Variants in ARHGAP17 observed in about 807,000 individuals in gnomAD.
ARHGAP17 encodes Rho GTPase activating protein 17.
ARHGAP17 carries 57 observed loss-of-function variants against 99.5 expected under a neutral mutation model. The observed-to-expected ratio is 0.57, with a 90% confidence interval of 0.46 to 0.71. The LOEUF (loss-of-function observed/expected upper bound fraction) is 0.71. Ranked by LOEUF, ARHGAP17 falls within the 30% of genes least tolerant of loss-of-function variation. The probability of loss-of-function intolerance (pLI) is 0.00; values close to 1 mark genes in which losing one functional copy is unlikely to be tolerated. For missense variants in ARHGAP17, 1,000 were observed against 1,122.4 expected, an observed-to-expected ratio of 0.89 and a Z score of 1.56; for synonymous variants, 417 against 429.6, an observed-to-expected ratio of 0.97 and a Z score of 0.36.
chr16:24,934,232 C>T (rs1448250229), intron 18 of ARHGAP17, among the ~76,000 whole-genome samples: 2 of 152,134 alleles, frequency 1.3e-5, no homozygotes, highest in African/African-American at 4.8e-5. Context: ...ACAATCTTGG[C>T]TCACTGCAAC....
At chr16:24,944,298 A>G (rs1567220224) in intron 14 of ARHGAP17, among the ~76,000 whole-genome samples, 2 of 151,316 alleles carry the variant, frequency 1.3e-5, no homozygotes, top group East Asian at 1.9e-4. Context: ...TCAAATTCAC[A>G]TGGTCCTGGT....
intron 6 of ARHGAP17, among the ~76,000 whole-genome samples, chr16:24,967,601 C>T (rs1248863664): frequency 2.0e-5 from 3 of 151,960 alleles, no homozygotes; most frequent in Admixed American, 6.6e-5. Context: ...CACTTGAGGC[C>T]AGAAGTTCAA....
At chr16:24,990,358 C>T (rs1323429455) in intron 1 of ARHGAP17, among the ~76,000 whole-genome samples, 1 of 152,008 alleles carries the variant, frequency 6.6e-6, no homozygotes, top group Non-Finnish European at 1.5e-5. Context: ...TGGTGGTGCA[C>T]ACCTGTAGTC....
chr16:24,977,988 C>T (rs763461057), intron 2 of ARHGAP17, among the ~76,000 whole-genome samples: 1 of 152,104 alleles, frequency 6.6e-6, no homozygotes, highest in African/African-American at 2.4e-5. Flanking sequence ...AACCATTTTA[C>T]GCATCGAGAT....
intron 14 of ARHGAP17, among the ~76,000 whole-genome samples, chr16:24,946,807 T>C (rs1295377885): frequency 6.6e-6 from 1 of 152,236 alleles, no homozygotes; most frequent in Admixed American, 6.5e-5. Context: ...CCCTAGCCCA[T>C]GCTCCTTTGT....
At chr16:24,986,391 C>G (rs1227035788) in intron 1 of ARHGAP17, among the ~76,000 whole-genome samples, 1 of 152,142 alleles carries the variant, frequency 6.6e-6, no homozygotes, top group Non-Finnish European at 1.5e-5. Flanking sequence ...AACCAGGGGT[C>G]AGCAAACTAT....
intron 1 of ARHGAP17, among the ~76,000 whole-genome samples, chr16:24,979,595 T>C (rs2052614641): frequency 6.6e-6 from 1 of 152,188 alleles, no homozygotes; most frequent in Non-Finnish European, 1.5e-5. Context: ...TGCTTTGAAC[T>C]ACTACTAATT....
chr16:24,943,686 G>A, intron 15 of ARHGAP17, 85 bp downstream of exon 15: 2 of 1,156,392 alleles, frequency 1.7e-6, no homozygotes, highest in East Asian at 2.4e-5. Flanking sequence ...TCATGAAGAA[G>A]GATTACAGAT....
In ARHGAP17 at chr16:24,947,527, A is replaced by G; in HGVS notation, c.1196T>C (p.Ile399Thr). 1 of 1,613,770 alleles carries G rather than the reference A, an allele frequency of 6.2e-7. No individual in the cohort carries two copies. The highest frequency in any genetic ancestry group is 8.5e-7 in the Non-Finnish European group (1 of 1,180,002). ...SDVNKMTPSN[I>T]AIVLGPNLLW... is the part of the protein sequence containing the mutation. The stretch of plus-strand genomic sequence containing the variant: ...CAAGTTAGGGCCTAACACAATCGCA[A>G]TGTTGCTGGGAGTCATTTTATTCAC... The change falls in exon 14 of 20, where the codon ATT becomes ACT. Residue 399 changes from isoleucine (I) to threonine (T), a missense_variant. Ile to Thr is a moderately conservative substitution (Grantham distance 89). Coordinates refer to ENST00000289968, the MANE Select transcript of ARHGAP17 (RefSeq NM_001006634.3).
chr16:24,961,853 C>A (rs2052012565), intron 7 of ARHGAP17, among the ~76,000 whole-genome samples: 1 of 148,158 alleles, frequency 6.7e-6, no homozygotes, highest in African/African-American at 2.5e-5. Context: ...TTTTAAGTGA[C>A]AGATTAGGCA....
At chr16:24,985,188 C>CCA (rs57147061) in intron 1 of ARHGAP17, among the ~76,000 whole-genome samples, 183 of 150,388 alleles carry the variant, frequency 1.2e-3, no homozygotes, top group South Asian at 2.2e-3. Context: ...AAATGCAACC[C>CCA]CACACACACA....
chr16:24,926,412 C>G (rs2050844879), intron 19 of ARHGAP17, among the ~76,000 whole-genome samples: 1 of 152,022 alleles, frequency 6.6e-6, no homozygotes, highest in Admixed American at 6.5e-5. Context: ...AGGCACCCAC[C>G]ACGACACCCA....
chr16:24,948,110 C>G (rs1479621542), intron 13 of ARHGAP17, among the ~76,000 whole-genome samples: 1 of 152,154 alleles, frequency 6.6e-6, no homozygotes, highest in East Asian at 1.9e-4. Context: ...AAATAAATCA[C>G]AGTATATCCA....
intron 9 of ARHGAP17, 26 bp downstream of exon 9, chr16:24,959,645 C>G (rs1430040485): frequency 6.2e-7 from 1 of 1,609,126 alleles, no homozygotes; most frequent in East Asian, 2.2e-5. Context: ...AAGAAGGAAG[C>G]ATCAGCCGCA....
intron 1 of ARHGAP17, among the ~76,000 whole-genome samples, chr16:24,994,684 C>T (rs4787661): frequency 0.31 from 47,556 of 151,996 alleles, 7,692 homozygotes; most frequent in East Asian, 0.5. Flanking sequence ...TTATTACCCC[C>T]GTGTTACAGA....
intron 1 of ARHGAP17, among the ~76,000 whole-genome samples, chr16:25,005,973 T>A (rs2053494283): frequency 6.6e-6 from 1 of 152,134 alleles, no homozygotes; most frequent in Non-Finnish European, 1.5e-5. Flanking sequence ...TTCCTATAAA[T>A]CTAGTGATTC....
chr16:24,922,412 T>C (rs2050740467), intron 19 of ARHGAP17, among the ~76,000 whole-genome samples: 1 of 152,202 alleles, frequency 6.6e-6, no homozygotes. Flanking sequence ...ATTTTTAGAT[T>C]TGTGCCTCTC....
intron 12 of ARHGAP17, 116 bp from the exon 13 acceptor site, chr16:24,949,600 C>T: frequency 1.3e-6 from 1 of 788,354 alleles, no homozygotes; most frequent in Non-Finnish European, 2.0e-6. Flanking sequence ...TGGAAAACAG[C>T]CCATGCTATG....
chr16:24,960,712 G>A (rs1381440900), intron 7 of ARHGAP17, among the ~76,000 whole-genome samples: 1 of 151,502 alleles, frequency 6.6e-6, no homozygotes, highest in Non-Finnish European at 1.5e-5. Context: ...AGCTACTTGG[G>A]AGGCTGAGGC....
Sources: gnomAD v4.1 joint callset for allele counts (sites outside exome capture counted in the v4.1 genomes callset) on GRCh38, gnomAD v4.1.1 for gene constraint, MANE v1.5 for transcripts, NCBI Gene and HGNC (gene_info 2026-07-23, HGNC 2026-07-21) for gene names.